The following SNX6 variants were observed in gnomAD, a reference collection of about 807,000 sequenced individuals.
SNX6 encodes sorting nexin-6.
SNX6 carries 34 observed loss-of-function variants against 63.0 expected under a neutral mutation model. The ratio of observed to expected loss-of-function variants is 0.54; its 90% CI spans 0.41 to 0.72. The LOEUF (loss-of-function observed/expected upper bound fraction) is 0.72, where lower values mean the gene tolerates loss of function less well. Ranked by LOEUF, SNX6 falls within the 30% of genes least tolerant of loss-of-function variation. The pLI is 0.00. For missense variants in SNX6, 398 were observed against 471.4 expected (o/e 0.84, Z 1.44); for synonymous variants, 170 against 164.2 (o/e 1.04, Z -0.27).
At chr14:34,624,210 C>T (rs1339308790) in intron 2 of SNX6, among the ~76,000 whole-genome samples, 4 of 152,040 alleles carry the variant, frequency 2.6e-5, no homozygotes, top group Non-Finnish European at 4.4e-5. Flanking sequence ...AAGTGATTTT[C>T]CTGCCTCAGC....
intron 5 of SNX6, among the ~76,000 whole-genome samples, chr14:34,604,555 A>AG (rs1361015762): frequency 2.0e-5 from 3 of 152,198 alleles, no homozygotes; most frequent in African/African-American, 7.2e-5. Context: ...GACCAGAAAA[A>AG]GTGACAGAGG....
At chr14:34,597,691 C>T (rs1473392893) in intron 6 of SNX6, 46 bp from the exon 7 acceptor site, 1 of 1,032,784 alleles carries the variant, frequency 9.7e-7, no homozygotes, top group Non-Finnish European at 1.5e-6. Context: ...AAATGGAAAG[C>T]AGTGCCTCCT....
At chr14:34,584,932 A>G (rs1371065676) in intron 9 of SNX6, among the ~76,000 whole-genome samples, 1 of 151,760 alleles carries the variant, frequency 6.6e-6, no homozygotes, top group African/African-American at 2.4e-5. Flanking sequence ...GGCTCAACGC[A>G]ACCTTCGTCT....
chr14:34,614,689 A>C (rs1312358309), intron 2 of SNX6, among the ~76,000 whole-genome samples: 1 of 152,158 alleles, frequency 6.6e-6, no homozygotes, highest in Non-Finnish European at 1.5e-5. Flanking sequence ...AGGCCAAGGC[A>C]GGAGGATCGC....
At chr14:34,607,738 T>C (rs891022497) in intron 4 of SNX6, among the ~76,000 whole-genome samples, 1 of 152,076 alleles carries the variant, frequency 6.6e-6, no homozygotes, top group African/African-American at 2.4e-5. Context: ...TGAAACCCTG[T>C]CTCTACTAAA....
chr14:34,587,008 CAAAAAAAAAAAAA>C (rs71121211), intron 8 of SNX6, among the ~76,000 whole-genome samples: 2 of 50,122 alleles, frequency 4.0e-5, no homozygotes, highest in African/African-American at 7.8e-5. Context: ...GACTCTGTCT[CAAAAAAAAAAAAA>C]AAAAAAAAAA....
chr14:34,594,214 G>T (rs1344197164), intron 7 of SNX6, among the ~76,000 whole-genome samples: 1 of 151,950 alleles, frequency 6.6e-6, no homozygotes, highest in Non-Finnish European at 1.5e-5. Flanking sequence ...CCTGAAGGCT[G>T]CCTAGCCTTA....
At chr14:34,586,807 G>A (rs10131004) in intron 8 of SNX6, among the ~76,000 whole-genome samples, 129,776 of 151,624 alleles carry the variant, frequency 0.86, 55,659 homozygotes, top group African/African-American at 0.88. Context: ...CAGGAGATTA[G>A]GATCATCCTG....
At chr14:34,581,356 G>A (rs970288674) in intron 10 of SNX6, among the ~76,000 whole-genome samples, 3 of 152,150 alleles carry the variant, frequency 2.0e-5, no homozygotes, top group African/African-American at 7.2e-5. Flanking sequence ...GTTTCACTAT[G>A]TTGGCCAGGA....
chr14:34,615,831 C>T (rs1337763682), intron 2 of SNX6, among the ~76,000 whole-genome samples: 2 of 152,180 alleles, frequency 1.3e-5, no homozygotes, highest in African/African-American at 2.4e-5. Context: ...ATGGAAAAGC[C>T]AGTCCCCAAA....
At chr14:34,600,899 T>C (rs894646019) in intron 6 of SNX6, among the ~76,000 whole-genome samples, 5 of 151,864 alleles carry the variant, frequency 3.3e-5, no homozygotes, top group African/African-American at 1.2e-4. Context: ...TAGCCAGGTA[T>C]GGTGGCTACT....
At chr14:34,612,335 A>G (rs968492105) in intron 2 of SNX6, among the ~76,000 whole-genome samples, 7 of 152,146 alleles carry the variant, frequency 4.6e-5, no homozygotes, top group African/African-American at 9.7e-5. Context: ...ATGTTACCTT[A>G]TATGTCAATA....
chr14:34,606,839 T>C (rs563781613), intron 4 of SNX6, among the ~76,000 whole-genome samples: 1 of 152,092 alleles, frequency 6.6e-6, no homozygotes, highest in African/African-American at 2.4e-5. Context: ...AGTGCAGTGG[T>C]GGGACCTTGA....
chr14:34,603,249 G>C, intron 6 of SNX6, 99 bp downstream of exon 6: 1 of 1,197,930 alleles, frequency 8.3e-7, no homozygotes, highest in Admixed American at 2.9e-5. Flanking sequence ...CTATGCCACT[G>C]TACTCCAGCC....
intron 6 of SNX6, among the ~76,000 whole-genome samples, chr14:34,601,461 T>G (rs1357189478): frequency 6.6e-6 from 1 of 151,852 alleles, no homozygotes; most frequent in Non-Finnish European, 1.5e-5. Flanking sequence ...CCTGACCTCG[T>G]GATCCGCCCA....
chr14:34,626,743 G>C (rs1482827668), intron 2 of SNX6, among the ~76,000 whole-genome samples: 1 of 151,230 alleles, frequency 6.6e-6, no homozygotes, highest in Non-Finnish European at 1.5e-5. Context: ...CTTTCTGAAG[G>C]CATAAAGCCA....
At chr14:34,629,320 A>G (rs1883946983) in intron 2 of SNX6, 3 of 348,682 alleles carry the variant, frequency 8.6e-6, no homozygotes, top group Non-Finnish European at 1.7e-5. Context: ...AAATCCTGCC[A>G]AAGACAGGAT....
At position 34,572,917 on chromosome 14, in the gene SNX6, C is replaced by T. The variant is rs1422396634; in HGVS notation, c.921+2839G>A. 6.6e-5 allele frequency among the ~76,000 whole-genome samples: 10 copies of T among 151,926 alleles called. No homozygotes were observed. In the East Asian group the frequency reaches 1.9e-3, roughly 29 times the overall value. ...CAGGATGGTCTTGATCTCCTGACCT[C>T]GTGATCCACCCGCCTAAGCCTCCCA... On this transcript the variant is annotated intron_variant, in intron 11 of 13. Transcript: ENST00000362031.
chr14:34,589,244 C>G (rs1159613621), intron 8 of SNX6, among the ~76,000 whole-genome samples: 4 of 151,660 alleles, frequency 2.6e-5, no homozygotes, highest in Admixed American at 6.6e-5. Flanking sequence ...CACCTGAGGT[C>G]AGGAGTTTGA....
Sources: gnomAD v4.1 joint callset for allele counts (sites outside exome capture counted in the v4.1 genomes callset) on GRCh38, gnomAD v4.1.1 for gene constraint, MANE v1.5 for transcripts, NCBI Gene and HGNC (gene_info 2026-07-23, HGNC 2026-07-21) for gene names.